BCL2L13: variants seen among roughly 807,000 people sequenced by gnomAD.
BCL2L13 encodes the protein BCL2 like 13, also known as bcl-2-like protein 13.
BCL2L13 carries 13 observed loss-of-function variants against 25.8 expected under a neutral mutation model. That is an observed-to-expected ratio of 0.50 (90% CI 0.33 to 0.80). The LOEUF is 0.80. BCL2L13 is among the 30% of genes least tolerant of loss of function. The probability of loss-of-function intolerance (pLI) is 0.02; values close to 1 mark genes in which losing one functional copy is unlikely to be tolerated. For missense variants in BCL2L13, 504 were observed against 574.9 expected (o/e 0.88, Z 1.26); for synonymous variants, 244 against 230.3 (o/e 1.06, Z -0.54).
chr22:17,678,621 G>A (rs2146678685), intron 2 of BCL2L13, among the ~76,000 whole-genome samples: 1 of 152,254 alleles, frequency 6.6e-6, no homozygotes, highest in South Asian at 2.1e-4. Flanking sequence ...GGTTGACTTG[G>A]AAATTAAATG....
intron 2 of BCL2L13, among the ~76,000 whole-genome samples, chr22:17,656,617 G>T (rs544844008): frequency 5.0e-4 from 76 of 151,904 alleles, no homozygotes; most frequent in Non-Finnish European, 1.0e-3. Context: ...AAAGTGCTGG[G>T]ATTATGGGTG....
In BCL2L13 at chr22:17,729,791, A is replaced by T. The variant is rs1345775307; in HGVS notation, c.*2257A>T. ...GTAATGGAACTAGATAGTGTTTTCC[A>T]TTGGCTTTCTCTGGTAGCTCTTGGT... On this transcript the variant is annotated 3_prime_UTR_variant, in exon 7 of 7. Transcript: ENST00000317582. The T allele has an allele frequency of 6.6e-6, 1 of 152,184 alleles. No individual in the cohort carries two copies. The highest frequency in any genetic ancestry group is 2.1e-4 in the South Asian group (1 of 4,832). The allele number at this position is 152,184 out of a possible 1,614,324, so 9.4% of individuals were successfully genotyped here. A position where few individuals can be genotyped will look rare whatever the true frequency, so the allele number is the denominator to read the frequency against.
At chr22:17,674,170 C>T (rs982314590) in intron 2 of BCL2L13, among the ~76,000 whole-genome samples, 3 of 152,104 alleles carry the variant, frequency 2.0e-5, no homozygotes, top group African/African-American at 7.2e-5. Context: ...GACCTGTAAA[C>T]ATAATAGTCA....
intron 2 of BCL2L13, among the ~76,000 whole-genome samples, chr22:17,657,426 A>G (rs1216904341): frequency 6.6e-6 from 1 of 152,198 alleles, no homozygotes; most frequent in Non-Finnish European, 1.5e-5. Flanking sequence ...TAGAAGACGT[A>G]CATGATCCTG....
In BCL2L13 at chr22:17,677,533, A is replaced by G. The variant is rs144563025; in HGVS notation, c.122-5681A>G. ...GCCTGCTTGAGCCCAGGAATTTGAGACCAGCCTGGCCAACAAGGCAAAACT... is the reference window on the plus strand; with the variant it reads ...GCCTGCTTGAGCCCAGGAATTTGAGGCCAGCCTGGCCAACAAGGCAAAACT... On this transcript the variant is annotated intron_variant, in intron 2 of 6. Transcript: ENST00000317582. Among the ~76,000 whole-genome samples the G allele has an allele frequency of 3.0e-3, 463 of 152,200 alleles. 5 individuals carry two copies. Among genetic ancestry groups the G allele is most frequent in the African/African-American group, 0.01 (428 of 41,558 alleles).
At chr22:17,724,123 C>T (rs2061231253) in intron 6 of BCL2L13, among the ~76,000 whole-genome samples, 1 of 151,680 alleles carries the variant, frequency 6.6e-6, no homozygotes, top group African/African-American at 2.4e-5. Context: ...AATAAAAAAA[C>T]TTAGCTGAGT....
At chr22:17,639,926 C>T (rs946035647) in intron 1 of BCL2L13, among the ~76,000 whole-genome samples, 3 of 151,660 alleles carry the variant, frequency 2.0e-5, no homozygotes, top group Non-Finnish European at 2.9e-5. Context: ...GCGATCTCAG[C>T]TTACCGCAAC....
chr22:17,725,628 C>A (rs923336942), intron 6 of BCL2L13, among the ~76,000 whole-genome samples: 2 of 152,190 alleles, frequency 1.3e-5, no homozygotes, highest in African/African-American at 4.8e-5. Flanking sequence ...GTATACCCTA[C>A]TAAGTGATAA....
At chr22:17,722,379 GT>G (rs869077474) in intron 6 of BCL2L13, among the ~76,000 whole-genome samples, 1 of 74,764 alleles carries the variant, frequency 1.3e-5, no homozygotes, top group Non-Finnish European at 2.5e-5. Context: ...GACTACAGGG[GT>G]GTGTGTGTGT....
At chr22:17,655,320 AAGC>A (rs1462277720) in intron 1 of BCL2L13, among the ~76,000 whole-genome samples, 1 of 151,028 alleles carries the variant, frequency 6.6e-6, no homozygotes, top group Non-Finnish European at 1.5e-5. Context: ...TTTTTTAAAT[AAGC>A]AGGAGTATAC....
At chr22:17,700,617 C>G (rs754324786) in intron 5 of BCL2L13, among the ~76,000 whole-genome samples, 9 of 152,142 alleles carry the variant, frequency 5.9e-5, no homozygotes, top group Admixed American at 2.0e-4. Context: ...TGCTTCTACC[C>G]GAGGCAAAAT....
chr22:17,640,814 A>T (rs769021948), intron 1 of BCL2L13, among the ~76,000 whole-genome samples: 1 of 151,784 alleles, frequency 6.6e-6, no homozygotes, highest in South Asian at 2.1e-4. Flanking sequence ...TGATTGCTCC[A>T]CTGTACTTCA....
intron 2 of BCL2L13, among the ~76,000 whole-genome samples, chr22:17,682,582 G>C (rs1476608566): frequency 1.3e-5 from 2 of 152,082 alleles, no homozygotes; most frequent in African/African-American, 2.4e-5. Flanking sequence ...TACAAAAAGA[G>C]AGGACTGGCC....
chr22:17,669,030 C>CTT (rs537315017), intron 2 of BCL2L13, among the ~76,000 whole-genome samples: 48,277 of 111,740 alleles, frequency 0.43, 11,480 homozygotes, highest in East Asian at 0.74. Flanking sequence ...CTGTTTCTTT[C>CTT]TTTTTTTTTT....
At chr22:17,631,242 GC>G (rs568022923) in intron 1 of BCL2L13, among the ~76,000 whole-genome samples, 141 of 151,254 alleles carry the variant, frequency 9.3e-4, no homozygotes, top group African/African-American at 3.0e-3. Flanking sequence ...GATTACAAGC[GC>G]CCGCCACCAC....
chr22:17,631,593 G>C (rs902028755), intron 1 of BCL2L13, among the ~76,000 whole-genome samples: 1 of 140,490 alleles, frequency 7.1e-6, no homozygotes, highest in African/African-American at 2.7e-5. Flanking sequence ...CGAACTCCTG[G>C]GCTCAGGGGA....
At chr22:17,689,570 C>T (rs571470852) in intron 4 of BCL2L13, among the ~76,000 whole-genome samples, 11 of 152,064 alleles carry the variant, frequency 7.2e-5, no homozygotes, top group Non-Finnish European at 1.6e-4. Flanking sequence ...ATTGACCGGG[C>T]GCGGTGGCTC....
intron 5 of BCL2L13, among the ~76,000 whole-genome samples, chr22:17,700,631 AAC>A (rs1473843508): frequency 6.6e-6 from 1 of 152,158 alleles, no homozygotes; most frequent in Non-Finnish European, 1.5e-5. Context: ...GCAAAATATA[AAC>A]AGTTTTTTGT....
intron 6 of BCL2L13, among the ~76,000 whole-genome samples, chr22:17,721,525 A>ATTT (rs3044620): frequency 0.69 from 84,744 of 122,644 alleles, 30,199 homozygotes; most frequent in East Asian, 0.89. Flanking sequence ...CTTATAAGAA[A>ATTT]TTTTTTTTTT....
Sources: allele counts gnomAD v4.1 joint callset (sites outside exome capture counted in the v4.1 genomes callset), GRCh38; gene constraint gnomAD v4.1.1; transcripts MANE v1.5; gene names NCBI Gene and HGNC (gene_info 2026-07-23, HGNC 2026-07-21).